Variants in PLA2G4E observed in about 807,000 individuals in gnomAD.
The protein encoded by PLA2G4E is cytosolic phospholipase A2 epsilon.
Under a neutral mutation model 109.1 loss-of-function variants are expected in PLA2G4E, and 84 were observed. The observed-to-expected ratio is 0.77, with a 90% CI of 0.65 to 0.92. PLA2G4E has a LOEUF of 0.92. Ranked by LOEUF, PLA2G4E falls within the 40% of genes least tolerant of loss-of-function variation. The probability of loss-of-function intolerance (pLI) is 0.00; values close to 1 mark genes in which losing one functional copy is unlikely to be tolerated. For missense variants in PLA2G4E, 1,057 were observed against 1,076.6 expected, an observed-to-expected ratio of 0.98 and a Z score of 0.25; for synonymous variants, 469 against 436.1, an observed-to-expected ratio of 1.08 and a Z score of -0.94.
At position 41,997,262 on chromosome 15, in the gene PLA2G4E, G is replaced by A. The variant is rs1304918013; in HGVS notation, c.975-3C>T. 6.5e-7 allele frequency: 1 copy of A among 1,541,958 alleles called. No individual in the cohort carries two copies. Among genetic ancestry groups the A allele is most frequent in the Admixed American group, 2.0e-5 (1 of 50,170 alleles). On this transcript the variant is annotated splice_polypyrimidine_tract_variant and splice_region_variant and intron_variant, in intron 10 of 19. Coordinates refer to ENST00000399518, the Ensembl canonical transcript of PLA2G4E. ...GCCGCACGTCCAGTGTCTCAGGGCT[G>A]GAGGGAGAGAGGACCCTGTATTGGG...
intron 13 of PLA2G4E, among the ~76,000 whole-genome samples, chr15:41,990,583 C>G (rs971582020): frequency 3.9e-5 from 6 of 152,046 alleles, no homozygotes; most frequent in Non-Finnish European, 8.8e-5. Context: ...CTTCCCTCTG[C>G]TAGAACTGGA....
chr15:41,996,996 C>G, intron 11 of PLA2G4E, 128 bp downstream of exon 11: 2 of 1,252,540 alleles, frequency 1.6e-6, no homozygotes, highest in East Asian at 5.5e-5. Context: ...ACCAGGGCGC[C>G]TGTACCTCAG....
At chr15:41,999,627 C>G in intron 9 of PLA2G4E, 66 bp from the exon 10 acceptor site, 1 of 1,578,748 alleles carries the variant, frequency 6.3e-7, no homozygotes, top group Admixed American at 1.8e-5. Flanking sequence ...CCCAGATCCA[C>G]ACTGTCCACC....
chr15:42,042,710 G>A (rs151104588), intron 1 of PLA2G4E, among the ~76,000 whole-genome samples: 33 of 152,348 alleles, frequency 2.2e-4, no homozygotes, highest in African/African-American at 7.2e-4. Context: ...GAGCTGGGAA[G>A]CCCTTTCTTC....
intron 1 of PLA2G4E, among the ~76,000 whole-genome samples, chr15:42,047,722 A>T (rs1262884559): frequency 6.6e-6 from 1 of 152,150 alleles, no homozygotes; most frequent in Non-Finnish European, 1.5e-5. Flanking sequence ...CCTCTTGCAG[A>T]GCTGGTGGTG....
exon 18 of PLA2G4E, chr15:41,985,884 G>A (rs779093349): frequency 5.6e-6 from 9 of 1,610,812 alleles, no homozygotes; most frequent in East Asian, 4.5e-5. Flanking sequence ...TGATGAGGTC[G>A]GCTTTTCGCT....
chr15:41,984,674 A>T, intron 18 of PLA2G4E, 55 bp from the exon 19 acceptor site: 2 of 1,450,548 alleles, frequency 1.4e-6, no homozygotes, highest in Non-Finnish European at 1.9e-6. Context: ...AGTGGAGGAG[A>T]AGCACAGAGT....
At chr15:41,985,042 G>T (rs995004175) in intron 18 of PLA2G4E, among the ~76,000 whole-genome samples, 2 of 152,162 alleles carry the variant, frequency 1.3e-5, no homozygotes, top group Non-Finnish European at 2.9e-5. Context: ...GCATGATGTC[G>T]CAGGAAGAGC....
intron 6 of PLA2G4E, 132 bp downstream of exon 6, chr15:42,002,522 T>A: frequency 9.5e-7 from 1 of 1,047,316 alleles, no homozygotes; most frequent in South Asian, 1.4e-5. Context: ...CCTCGTTTAG[T>A]CTAACTCCTG....
chr15:41,984,452 T>C lies in PLA2G4E; in HGVS notation c.2370A>G (p.Arg790=), dbSNP rs752456968. 5 of 1,612,994 alleles carry C rather than the reference T, an allele frequency of 3.1e-6. No individual in the cohort carries two copies. In the African/African-American group the frequency reaches 6.7e-5, roughly 22 times the overall value. ...GCAGCTCACCTGGTGCCTTGTATTT[T>C]CGGAAAGTGTCATTGATGAGTGGGA... The change falls in exon 19 of 20, where the codon CGA becomes CGG. Residue 790 remains arginine (R), a synonymous_variant. Coordinates refer to ENST00000399518, the Ensembl canonical transcript of PLA2G4E.
chr15:42,038,068 A>G (rs1889249127), intron 1 of PLA2G4E, among the ~76,000 whole-genome samples: 1 of 152,186 alleles, frequency 6.6e-6, no homozygotes, highest in Non-Finnish European at 1.5e-5. Context: ...AGATCCCATA[A>G]CATTAAGTTT....
intron 11 of PLA2G4E, 117 bp downstream of exon 11, chr15:41,997,007 C>A: frequency 7.6e-7 from 1 of 1,318,640 alleles, no homozygotes; most frequent in Non-Finnish European, 1.0e-6. Flanking sequence ...TGTACCTCAG[C>A]AGTAAAAGCA....
At chr15:42,001,695 T>C (rs372569473) in intron 6 of PLA2G4E, among the ~76,000 whole-genome samples, 1 of 152,104 alleles carries the variant, frequency 6.6e-6, no homozygotes, top group Non-Finnish European at 1.5e-5. Flanking sequence ...AGCCGAAATA[T>C]GAATTTTTGT....
intron 7 of PLA2G4E, among the ~76,000 whole-genome samples, chr15:42,000,812 G>C (rs1171190474): frequency 1.3e-5 from 2 of 152,158 alleles, no homozygotes; most frequent in Non-Finnish European, 2.9e-5. Context: ...CATAGTTAGA[G>C]GGGTCCTGGG....
intron 10 of PLA2G4E, chr15:41,998,594 T>C (rs937162409): frequency 8.5e-5 from 13 of 152,316 alleles, no homozygotes; most frequent in African/African-American, 2.9e-4. Context: ...CTGAAAACGA[T>C]GTTGTTTTCA....
chr15:41,990,174 G>T (rs1299940058), exon 14 of PLA2G4E: 1 of 1,613,736 alleles, frequency 6.2e-7, no homozygotes, highest in South Asian at 1.1e-5. Flanking sequence ...GAGGTAGATG[G>T]GCAGGGGGTT....
At chr15:42,039,707 A>G (rs1440648332) in intron 1 of PLA2G4E, among the ~76,000 whole-genome samples, 1 of 152,144 alleles carries the variant, frequency 6.6e-6, no homozygotes, top group Non-Finnish European at 1.5e-5. Flanking sequence ...ATAGCAATGA[A>G]AAATAAAATA....
chr15:42,039,065 A>G (rs80133337), intron 1 of PLA2G4E, among the ~76,000 whole-genome samples: 3,178 of 152,200 alleles, frequency 0.021, 127 homozygotes, highest in African/African-American at 0.073. Context: ...TCACTAATCC[A>G]TGTTCTTGGG....
intron 3 of PLA2G4E, among the ~76,000 whole-genome samples, chr15:42,007,002 A>G (rs142632688): frequency 6.6e-6 from 1 of 152,238 alleles, no homozygotes; most frequent in African/African-American, 2.4e-5. Context: ...TAGAAAAGGT[A>G]TTTTAAAAAT....
Sources: gnomAD v4.1 joint callset for allele counts (sites outside exome capture counted in the v4.1 genomes callset) on GRCh38, gnomAD v4.1.1 for gene constraint, MANE v1.5 for transcripts, NCBI Gene and HGNC (gene_info 2026-07-23, HGNC 2026-07-21) for gene names.